Variants in SND1 observed in about 807,000 individuals in gnomAD.
SND1 encodes the protein staphylococcal nuclease domain-containing protein 1.
In SND1, 38 loss-of-function variants were observed where a neutral mutation model predicts 121.7. That is an observed-to-expected ratio of 0.31 (90% CI 0.24 to 0.41). The LOEUF (loss-of-function observed/expected upper bound fraction) is 0.41, where lower values mean the gene tolerates loss of function less well. Among genes scored for constraint, SND1 ranks in the 10% least tolerant of loss-of-function variants. SND1 has a pLI of 1.00. For missense variants in SND1, 868 were observed against 1,184.6 expected, an observed-to-expected ratio of 0.73 and a Z score of 3.92; for synonymous variants, 401 against 447.4, an observed-to-expected ratio of 0.90 and a Z score of 1.31.
At chr7:127,891,910 G>A (rs1563049636) in intron 13 of SND1, among the ~76,000 whole-genome samples, 1 of 152,082 alleles carries the variant, frequency 6.6e-6, no homozygotes, top group African/African-American at 2.4e-5. Flanking sequence ...CATAACATCT[G>A]CCACATTCAT....
intron 16 of SND1, among the ~76,000 whole-genome samples, chr7:128,034,155 G>A (rs1291982060): frequency 1.3e-5 from 2 of 152,190 alleles, no homozygotes; most frequent in African/African-American, 2.4e-5. Flanking sequence ...AATGCCCGCT[G>A]TGTCTACTCT....
Position 127,991,035 on chromosome 7 carries a change from G to A in SND1, c.1758G>A (p.Lys586=), listed in dbSNP as rs1475686120. The part of the protein sequence containing the change: ...PFSEEATLFT[K]ELVLQREVEV... ...GCGAGGAAGCTACACTTTTCACCAAGGAACTGGTGCTGCAGCGAGAGGTAG... is the reference window on the plus strand; with the variant it reads ...GCGAGGAAGCTACACTTTTCACCAAAGAACTGGTGCTGCAGCGAGAGGTAG... Residue 586 remains lysine (K), a synonymous_variant, in exon 16 of 24, where the codon AAG becomes AAA. Transcript: ENST00000354725. 4 of 1,613,530 alleles carry A rather than the reference G, an allele frequency of 2.5e-6. No individual in the cohort carries two copies. Among genetic ancestry groups the A allele is most frequent in the African/African-American group, 2.7e-5 (2 of 74,942 alleles).
At chr7:128,020,418 T>G (rs1803322503) in intron 16 of SND1, among the ~76,000 whole-genome samples, 1 of 152,220 alleles carries the variant, frequency 6.6e-6, no homozygotes, top group Non-Finnish European at 1.5e-5. Flanking sequence ...TTGCGCTAGG[T>G]CGCGAACCCA....
intron 16 of SND1, chr7:128,030,291 C>T: frequency 1.2e-6 from 2 of 1,614,174 alleles, no homozygotes; most frequent in Non-Finnish European, 1.7e-6. Context: ...GTTGAAGGCC[C>T]CCACCTCAAT....
chr7:127,784,428 A>G (rs1396876057), intron 10 of SND1, among the ~76,000 whole-genome samples: 1 of 152,224 alleles, frequency 6.6e-6, no homozygotes, highest in Non-Finnish European at 1.5e-5. Flanking sequence ...TCCCTCTGGA[A>G]AACTCTAAGT....
Position 127,929,425 on chromosome 7 carries a change from G to A in SND1, c.1669+96G>A, listed in dbSNP as rs1248279276. On this transcript the variant is annotated intron_variant, in intron 15 of 23. Transcript: ENST00000354725. ...CCCTGTGTTCTAGATAGGCCCTAGA[G>A]CCCACCAGCATGCTCTTCCTCTCTG... is the stretch of plus-strand genomic sequence containing the variant. 4 of 1,231,250 alleles carry A rather than the reference G, an allele frequency of 3.2e-6. No individual in the cohort carries two copies. In the East Asian group the frequency reaches 7.0e-5, roughly 22 times the overall value. 76.3% of individuals were successfully genotyped at this position (1,231,250 alleles called of 1,614,324 possible).
intron 10 of SND1, among the ~76,000 whole-genome samples, chr7:127,730,142 A>G (rs1418996348): frequency 6.6e-6 from 1 of 151,974 alleles, no homozygotes; most frequent in African/African-American, 2.4e-5. Context: ...CTAATTTTGT[A>G]TTTTTAGTAG....
intron 15 of SND1, among the ~76,000 whole-genome samples, chr7:127,974,265 GAAGT>G (rs966432630): frequency 6.6e-6 from 1 of 152,234 alleles, no homozygotes; most frequent in African/African-American, 2.4e-5. Context: ...TTGGTGAAGA[GAAGT>G]AAGAATGTTA....
intron 11 of SND1, among the ~76,000 whole-genome samples, chr7:127,818,645 A>C (rs1290942863): frequency 3.3e-5 from 5 of 151,948 alleles, no homozygotes; most frequent in African/African-American, 1.2e-4. Context: ...TGTATGATGG[A>C]CCTTTTTGCC....
intron 11 of SND1, among the ~76,000 whole-genome samples, chr7:127,835,659 G>A (rs1798854471): frequency 6.6e-6 from 1 of 152,142 alleles, no homozygotes; most frequent in Admixed American, 6.5e-5. Flanking sequence ...TAAGATAATG[G>A]AGCATTAGCA....
At chr7:127,913,034 C>T (rs1384070544) in intron 14 of SND1, among the ~76,000 whole-genome samples, 2 of 152,262 alleles carry the variant, frequency 1.3e-5, no homozygotes, top group East Asian at 3.9e-4. Context: ...AGGTAGGGAG[C>T]TAGGATTGGA....
intron 10 of SND1, among the ~76,000 whole-genome samples, chr7:127,777,905 C>T (rs1160979050): frequency 6.6e-6 from 1 of 152,068 alleles, no homozygotes; most frequent in African/African-American, 2.4e-5. Context: ...AGCAAATATT[C>T]ATATAGTTCA....
At chr7:127,724,742 G>A (rs1176372573) in intron 10 of SND1, among the ~76,000 whole-genome samples, 1 of 152,190 alleles carries the variant, frequency 6.6e-6, no homozygotes, top group African/African-American at 2.4e-5. Flanking sequence ...TATGAAAGCA[G>A]TTTGCATATA....
chr7:127,677,308 A>G (rs780191780), intron 1 of SND1, among the ~76,000 whole-genome samples: 1 of 152,226 alleles, frequency 6.6e-6, no homozygotes, highest in African/African-American at 2.4e-5. Flanking sequence ...TTTATTTTAT[A>G]AATGATGAAA....
At chr7:127,919,605 T>A (rs1235361464) in intron 14 of SND1, among the ~76,000 whole-genome samples, 2 of 152,214 alleles carry the variant, frequency 1.3e-5, no homozygotes, top group East Asian at 3.8e-4. Context: ...GGTGGTTGAT[T>A]TGCTTTATTT....
intron 11 of SND1, among the ~76,000 whole-genome samples, chr7:127,812,725 G>A (rs1477523298): frequency 1.3e-5 from 2 of 152,150 alleles, no homozygotes; most frequent in African/African-American, 4.8e-5. Context: ...CTCTTCAAGG[G>A]CACACAGCTT....
At chr7:127,773,562 T>C (rs1444907634) in intron 10 of SND1, among the ~76,000 whole-genome samples, 1 of 152,084 alleles carries the variant, frequency 6.6e-6, no homozygotes, top group East Asian at 1.9e-4. Context: ...AAAAGGAAAC[T>C]ATTTTTTGCA....
At chr7:128,048,238 G>A (rs958955071) in intron 16 of SND1, among the ~76,000 whole-genome samples, 2 of 151,560 alleles carry the variant, frequency 1.3e-5, no homozygotes, top group Non-Finnish European at 2.9e-5. Flanking sequence ...TCCAGGCTCC[G>A]AATTGGAACT....
chr7:127,675,337 T>C (rs894740309), intron 1 of SND1, among the ~76,000 whole-genome samples: 3 of 152,266 alleles, frequency 2.0e-5, no homozygotes, highest in African/African-American at 7.2e-5. Flanking sequence ...TTGTGATAAC[T>C]GTTAGACCTA....
Sources: gnomAD v4.1 joint callset for allele counts (sites outside exome capture counted in the v4.1 genomes callset) on GRCh38, gnomAD v4.1.1 for gene constraint, MANE v1.5 for transcripts, NCBI Gene and HGNC (gene_info 2026-07-23, HGNC 2026-07-21) for gene names.